Variants in NPHP3 observed in about 807,000 individuals in gnomAD.
The protein encoded by NPHP3 is nephrocystin-3.
A neutral mutation model predicts 171.9 loss-of-function variants in NPHP3; 123 were observed. That is an observed-to-expected ratio of 0.72 (90% CI 0.62 to 0.83). The LOEUF is 0.83. Ranked by LOEUF, NPHP3 falls within the 40% of genes least tolerant of loss-of-function variation. NPHP3 has a pLI of 0.00. For synonymous variants in NPHP3, 558 were observed against 579.2 expected, an observed-to-expected ratio of 0.96 and a Z score of 0.52; for missense variants, 1,506 against 1,591.9, an observed-to-expected ratio of 0.95 and a Z score of 0.92.
rs1427566542 is a variant in NPHP3 at position 132,681,882 on chromosome 3, C to T, written c.*28G>A. ...TGTTTAATTATTTTGTCTTAAGGTA[C>T]ATTTGCAAAGAATTCTAACTGCTGC... On this transcript the variant is annotated 3_prime_UTR_variant, in exon 27 of 27. Transcript: ENST00000337331. 1.3e-6 allele frequency: 2 copies of T among 1,586,352 alleles called. No individual in the cohort carries two copies. Among genetic ancestry groups the T allele is most frequent in the East Asian group, 2.2e-5 (1 of 44,704 alleles).
At position 132,718,942 on chromosome 3, in the gene NPHP3, T is replaced by C; in HGVS notation, c.670+52A>G. The C allele has an allele frequency of 2.5e-6, 4 of 1,589,540 alleles. No individual in the cohort carries two copies. In the South Asian group the frequency reaches 3.3e-5, roughly 13 times the overall value. On this transcript the variant is annotated intron_variant, in intron 3 of 26. Transcript: ENST00000337331. ...AGCAGAATTCAAAGTTGGCTCTACATGTCATTACAGCCATGTTGAAAGCTC... is the reference window on the plus strand; with the variant it reads ...AGCAGAATTCAAAGTTGGCTCTACACGTCATTACAGCCATGTTGAAAGCTC...
chr3:132,715,418 A>C (rs1197879794), intron 4 of NPHP3, among the ~76,000 whole-genome samples, 200 bp from the exon 5 acceptor site: 2 of 152,226 alleles, frequency 1.3e-5, no homozygotes, highest in Non-Finnish European at 1.5e-5. Context: ...GAAGCAATGA[A>C]TGTCACCAGT....
chr3:132,683,162 G>T (rs564658919), intron 25 of NPHP3, among the ~76,000 whole-genome samples: 4 of 152,128 alleles, frequency 2.6e-5, no homozygotes, highest in Non-Finnish European at 5.9e-5. Flanking sequence ...GGGATGTAGG[G>T]TATCTCCAGA....
intron 21 of NPHP3, among the ~76,000 whole-genome samples, chr3:132,688,007 G>T (rs1228430223): frequency 6.6e-6 from 1 of 152,076 alleles, no homozygotes; most frequent in Non-Finnish European, 1.5e-5. Flanking sequence ...ACTGGACTTG[G>T]CCTATGGGCA....
intron 21 of NPHP3, among the ~76,000 whole-genome samples, chr3:132,688,071 C>T (rs1486169882): frequency 6.6e-6 from 1 of 152,166 alleles, no homozygotes; most frequent in Non-Finnish European, 1.5e-5. Context: ...AACCCAAATT[C>T]TGAAATGCTC....
chr3:132,688,808 G>T lies in NPHP3; in HGVS notation c.2967C>A (p.His989Gln). Residue 989 changes from histidine to glutamine, a missense_variant, in exon 21 of 27, where the codon CAC (histidine) becomes CAA (glutamine). His to Gln is a conservative substitution (Grantham distance 24). This residue lies in a region of NPHP3 where 569 missense variants were observed against 648.1 expected (regional missense o/e 0.88). Coordinates refer to ENST00000337331, the MANE Select transcript of NPHP3 (RefSeq NM_153240.5). ...PDHPRVAQSLHQLASVYVQWK... is the reference protein window; with the variant it reads ...PDHPRVAQSLQQLASVYVQWK... ...ACTGCACGTATACACTTGCTAGTTGGTGGAGGGACTGGGCTACTCTTGGGT... is the reference window on the plus strand; with the variant it reads ...ACTGCACGTATACACTTGCTAGTTGTTGGAGGGACTGGGCTACTCTTGGGT... The T allele has an allele frequency of 6.2e-7, 1 of 1,614,078 alleles. No homozygotes were observed. The highest frequency in any genetic ancestry group is 8.5e-7 in the Non-Finnish European group (1 of 1,179,990).
At position 132,682,751 on chromosome 3, in the gene NPHP3, C is replaced by T. The variant is rs771022777; in HGVS notation, c.3764G>A (p.Arg1255Gln). 17 of 1,613,608 alleles carry T rather than the reference C, an allele frequency of 1.1e-5. No individual in the cohort carries two copies. The highest frequency in any genetic ancestry group is 4.5e-5 in the East Asian group (2 of 44,852). ...ALKIYEDSLG[R>Q]MHPRVGETLK... ...TGTTTCTCCAACTCGAGGATGCATC[C>T]GACCCAGGCTATCTTCATAAATCTT... The change falls in exon 26 of 27, where the codon CGG becomes CAG. Residue 1255 changes from arginine to glutamine, a missense_variant. Around this residue, in one of 3 missense-constraint regions of NPHP3, gnomAD observed 569 missense variants for 648.1 expected, o/e 0.88. Coordinates refer to ENST00000337331, the MANE Select transcript of NPHP3 (RefSeq NM_153240.5).
intron 16 of NPHP3, among the ~76,000 whole-genome samples, chr3:132,694,393 AC>A (rs1939392374): frequency 2.0e-5 from 3 of 151,482 alleles, no homozygotes. Flanking sequence ...ACACACACAC[AC>A]ATATATATAT....
chr3:132,721,193 C>A (rs1049454907), intron 1 of NPHP3, among the ~76,000 whole-genome samples: 1 of 152,198 alleles, frequency 6.6e-6, no homozygotes, highest in Non-Finnish European at 1.5e-5. Context: ...GTTGGGATTA[C>A]AGGCGTGAGC....
chr3:132,688,180 G>C (rs997461665), intron 21 of NPHP3, among the ~76,000 whole-genome samples: 1 of 152,192 alleles, frequency 6.6e-6, no homozygotes, highest in Non-Finnish European at 1.5e-5. Context: ...AGTCAAAACT[G>C]TGTTTTATGC....
At chr3:132,692,378 C>G (rs912222606) in intron 17 of NPHP3, among the ~76,000 whole-genome samples, 4 of 152,138 alleles carry the variant, frequency 2.6e-5, no homozygotes, top group Non-Finnish European at 5.9e-5. Context: ...AAGAAATAAA[C>G]TACCTTTAAG....
intron 1 of NPHP3, among the ~76,000 whole-genome samples, 184 bp from the exon 2 acceptor site, chr3:132,720,014 C>T (rs975873620): frequency 6.6e-6 from 1 of 151,828 alleles, no homozygotes; most frequent in African/African-American, 2.4e-5. Flanking sequence ...GGAAAAAAAC[C>T]GCAACCATGC....
At chr3:132,718,187 T>C (rs1352165185) in intron 3 of NPHP3, 3 of 409,608 alleles carry the variant, frequency 7.3e-6, no homozygotes, top group Non-Finnish European at 1.4e-5. Context: ...TTTGTGAGAA[T>C]ATACTTACAG....
rs764377260 is a variant in NPHP3, at chr3:132,691,168, G to C, written c.2570+24C>G. The C allele has an allele frequency of 7.8e-6, 12 of 1,540,574 alleles. 1 individual carries two copies. The South Asian group carries it at 1.2e-4, about 16-fold the overall frequency. On this transcript the variant is annotated intron_variant, in intron 18 of 26. Coordinates refer to ENST00000337331, the MANE Select transcript of NPHP3 (RefSeq NM_153240.5). ...GTAGTGTGTTGCAGAAGTTACAGAA[G>C]AACAACAGGAACATTTACAATACCT...
At chr3:132,703,437 A>G (rs959912926) in intron 9 of NPHP3, among the ~76,000 whole-genome samples, 7 of 152,194 alleles carry the variant, frequency 4.6e-5, no homozygotes, top group Non-Finnish European at 7.3e-5. Context: ...ATATTTAAGG[A>G]TGTTGATAAG....
intron 16 of NPHP3, among the ~76,000 whole-genome samples, chr3:132,694,598 C>T (rs1939397310): frequency 6.6e-6 from 1 of 151,890 alleles, no homozygotes; most frequent in Admixed American, 6.6e-5. Flanking sequence ...TGGGTAAAGA[C>T]CTGAACCAGC....
intron 6 of NPHP3, 42 bp downstream of exon 6, chr3:132,713,082 TAC>T (rs759410208): frequency 9.4e-7 from 1 of 1,058,566 alleles, no homozygotes; most frequent in African/African-American, 1.6e-5. Flanking sequence ...CAATTCTATT[TAC>T]AGTTTACTGC....
chr3:132,713,706 T>C (rs531668161), intron 5 of NPHP3, among the ~76,000 whole-genome samples: 119 of 152,322 alleles, frequency 7.8e-4, no homozygotes, highest in Non-Finnish European at 1.2e-3. Flanking sequence ...AGCAGAGCGA[T>C]ATAAGTTAAA....
At chr3:132,717,480 G>T (rs7652305) in intron 3 of NPHP3, 65,798 of 152,860 alleles carry the variant, frequency 0.43, 15,795 homozygotes, top group East Asian at 0.66. Context: ...TTAAGTAAAT[G>T]GTTATTTGAG....
Sources: allele counts gnomAD v4.1 joint callset (sites outside exome capture counted in the v4.1 genomes callset), GRCh38; gene constraint gnomAD v4.1.1; regional missense constraint gnomAD v4.1.1; transcripts MANE v1.5; gene names NCBI Gene and HGNC (gene_info 2026-07-23, HGNC 2026-07-21).